Variants in DLG2 observed in about 807,000 individuals in gnomAD.
DLG2 encodes disks large homolog 2.
DLG2 carries 45 observed loss-of-function variants against 132.5 expected under a neutral mutation model. The observed-to-expected ratio is 0.34, with a 90% CI of 0.27 to 0.44. The LOEUF (loss-of-function observed/expected upper bound fraction) is 0.44. Ranked by LOEUF, DLG2 falls within the 20% of genes least tolerant of loss-of-function variation. The probability of loss-of-function intolerance (pLI) is 1.00; values close to 1 mark genes in which losing one functional copy is unlikely to be tolerated. For synonymous variants in DLG2, 424 were observed against 419.6 expected (o/e 1.01, Z -0.13); for missense variants, 1,045 against 1,196.9 (o/e 0.87, Z 1.87).
chr11:84,572,143 G>T (rs2099486855), intron 6 of DLG2, among the ~76,000 whole-genome samples: 1 of 151,826 alleles, frequency 6.6e-6, no homozygotes, highest in African/African-American at 2.4e-5. Context: ...ATGTATACAT[G>T]TGCCATGTTG....
intron 3 of DLG2, among the ~76,000 whole-genome samples, chr11:85,496,084 AG>A (rs1482004108): frequency 6.6e-6 from 1 of 152,210 alleles, no homozygotes; most frequent in African/African-American, 2.4e-5. Context: ...GGCGAGCCAA[AG>A]CAGGGCACGG....
intron 18 of DLG2, among the ~76,000 whole-genome samples, chr11:83,655,659 G>A (rs2072156219): frequency 6.6e-6 from 1 of 152,114 alleles, no homozygotes; most frequent in African/African-American, 2.4e-5. Context: ...CATTTACATT[G>A]TATTCCTTTA....
intron 10 of DLG2, among the ~76,000 whole-genome samples, chr11:84,086,127 T>G (rs2096975911): frequency 6.6e-6 from 1 of 152,184 alleles, no homozygotes; most frequent in African/African-American, 2.4e-5. Flanking sequence ...AATGGTACTC[T>G]CTACTTGGTT....
At chr11:84,908,700 C>G (rs1386070797) in intron 6 of DLG2, among the ~76,000 whole-genome samples, 10 of 151,708 alleles carry the variant, frequency 6.6e-5, no homozygotes. Flanking sequence ...AAGAAGGAAT[C>G]TACCATTGAA....
intron 2 of DLG2, among the ~76,000 whole-genome samples, chr11:85,612,028 GA>G (rs1444420619): frequency 6.6e-6 from 1 of 152,104 alleles, no homozygotes; most frequent in Non-Finnish European, 1.5e-5. Context: ...AAGAGAGAAG[GA>G]AAGAGAGGAA....
chr11:85,433,537 G>C (rs1022282424), intron 3 of DLG2, among the ~76,000 whole-genome samples: 1 of 151,924 alleles, frequency 6.6e-6, no homozygotes, highest in Non-Finnish European at 1.5e-5. Flanking sequence ...GACAAAACAG[G>C]CTTTAAACCA....
At chr11:85,613,747 T>C (rs1294489671) in intron 2 of DLG2, among the ~76,000 whole-genome samples, 1 of 152,168 alleles carries the variant, frequency 6.6e-6, no homozygotes, top group Non-Finnish European at 1.5e-5. Flanking sequence ...AATAAAAGCA[T>C]GCTGCCCGAG....
At chr11:85,430,233 A>C (rs1180723577) in intron 3 of DLG2, among the ~76,000 whole-genome samples, 1 of 151,842 alleles carries the variant, frequency 6.6e-6, no homozygotes, top group East Asian at 1.9e-4. Context: ...GGATAGCATT[A>C]GGAGATATAC....
intron 16 of DLG2, among the ~76,000 whole-genome samples, chr11:83,860,992 G>A (rs571907982): frequency 6.6e-6 from 1 of 152,248 alleles, no homozygotes; most frequent in South Asian, 2.1e-4. Context: ...TGATTGTGAG[G>A]CCTTCCCACC....
At chr11:83,694,599 A>G (rs2081559210) in intron 18 of DLG2, among the ~76,000 whole-genome samples, 2 of 152,346 alleles carry the variant, frequency 1.3e-5, no homozygotes, top group East Asian at 3.9e-4. Flanking sequence ...CCTGTTTGCC[A>G]GACTGTTCCT....
chr11:83,662,709 C>T (rs1417673570), intron 18 of DLG2, among the ~76,000 whole-genome samples: 2 of 152,174 alleles, frequency 1.3e-5, no homozygotes, highest in African/African-American at 2.4e-5. Context: ...TCTGCCACCA[C>T]CATGCTTCCC....
chr11:85,557,663 C>T (rs1040775138), intron 3 of DLG2, among the ~76,000 whole-genome samples: 2 of 151,790 alleles, frequency 1.3e-5, no homozygotes, highest in Non-Finnish European at 1.5e-5. Flanking sequence ...TACCTGCAGC[C>T]TTCTGATCTT....
intron 4 of DLG2, among the ~76,000 whole-genome samples, chr11:85,278,748 C>T (rs2078049481): frequency 6.6e-6 from 1 of 152,184 alleles, no homozygotes; most frequent in East Asian, 1.9e-4. Flanking sequence ...TCTAAACCCA[C>T]CCAGCTATGA....
chr11:84,060,383 T>A (rs1207050114), intron 10 of DLG2, among the ~76,000 whole-genome samples: 2 of 152,112 alleles, frequency 1.3e-5, no homozygotes, highest in Non-Finnish European at 2.9e-5. Context: ...CTTCCAGTGT[T>A]TCCCCACCCT....
rs2072464450 is a variant in DLG2 at position 83,898,566 on chromosome 11, CTTT to C, written c.1497-24081_1497-24079del. On this transcript the variant is annotated intron_variant, in intron 15 of 27. Coordinates refer to ENST00000376104, the MANE Select transcript of DLG2 (RefSeq NM_001142699.3). ...ATACATTAAAGGACTGTTTTTTATT[CTTT>C]TTTCATTTTTCTATTATTACTTTCT... Among the ~76,000 whole-genome samples, 3 of 151,854 alleles carry C rather than the reference CTTT, an allele frequency of 2.0e-5. No individual in the cohort carries two copies. The South Asian group carries it at 6.2e-4, about 32-fold the overall frequency.
At chr11:85,161,576 C>A (rs1239420330) in intron 4 of DLG2, among the ~76,000 whole-genome samples, 1 of 152,202 alleles carries the variant, frequency 6.6e-6, no homozygotes, top group African/African-American at 2.4e-5. Flanking sequence ...ATTCTTCTGC[C>A]AAGACTACCC....
intron 7 of DLG2, among the ~76,000 whole-genome samples, chr11:84,392,280 T>C (rs1321665486): frequency 1.3e-5 from 2 of 152,176 alleles, no homozygotes; most frequent in African/African-American, 4.8e-5. Flanking sequence ...TCTAAATGCC[T>C]ACTACAAAGC....
chr11:85,557,918 T>C (rs1482703024), intron 3 of DLG2, among the ~76,000 whole-genome samples: 1 of 151,704 alleles, frequency 6.6e-6, no homozygotes, highest in African/African-American at 2.4e-5. Flanking sequence ...TATGACTAAG[T>C]CCTCAAAAGT....
At chr11:84,866,223 A>G (rs1487731750) in intron 6 of DLG2, among the ~76,000 whole-genome samples, 1 of 152,190 alleles carries the variant, frequency 6.6e-6, no homozygotes, top group Non-Finnish European at 1.5e-5. Context: ...GAGCAGCATC[A>G]AAGCCAAGGT....
Sources: gnomAD v4.1 joint callset for allele counts (sites outside exome capture counted in the v4.1 genomes callset) on GRCh38, gnomAD v4.1.1 for gene constraint, MANE v1.5 for transcripts, NCBI Gene and HGNC (gene_info 2026-07-23, HGNC 2026-07-21) for gene names.